PCNT: variants seen among roughly 807,000 people sequenced by gnomAD.
PCNT encodes the protein pericentrin.
Under a neutral mutation model 380.4 loss-of-function variants are expected in PCNT, and 319 were observed. The observed-to-expected ratio is 0.84, with a 90% CI of 0.77 to 0.92. The LOEUF (loss-of-function observed/expected upper bound fraction) is 0.92, where lower values mean the gene tolerates loss of function less well. Among genes scored for constraint, PCNT ranks in the 40% least tolerant of loss-of-function variants. The pLI, the probability that PCNT is intolerant of heterozygous loss-of-function variation, is 0.00. For synonymous variants in PCNT, 1,845 were observed against 1,735.2 expected, an observed-to-expected ratio of 1.06 and a Z score of -1.57; for missense variants, 4,400 against 4,255.3, an observed-to-expected ratio of 1.03 and a Z score of -0.95.
rs554319104 is a variant in PCNT, at chr21:46,354,168, C to T, written c.1761+100C>T. ...GAGCCTGTGTTTCCGTCCTTCCCAC[C>T]TTGTCCAGGGGAGGAAGGCTGCTTG... On this transcript the variant is annotated intron_variant, in intron 11 of 46. Transcript: ENST00000359568. 1.1e-5 allele frequency: 12 copies of T among 1,090,068 alleles called. No individual in the cohort carries two copies. The South Asian group carries it at 1.6e-4, about 14-fold the overall frequency. 67.5% of individuals were successfully genotyped at this position (1,090,068 alleles called of 1,614,324 possible).
At chr21:46,411,151 T>C in intron 27 of PCNT, 38 bp from the exon 28 acceptor site, 6 of 1,594,418 alleles carry the variant, frequency 3.8e-6, no homozygotes, top group Non-Finnish European at 5.2e-6. Flanking sequence ...CGGAAGTGGA[T>C]ACATTTAATT....
At chr21:46,383,921 T>G (rs1457630477) in intron 16 of PCNT, among the ~76,000 whole-genome samples, 1 of 146,304 alleles carries the variant, frequency 6.8e-6, no homozygotes, top group African/African-American at 2.5e-5. Flanking sequence ...CACAGTGTTG[T>G]GCGTTCAGTG....
chr21:46,336,910 T>C (rs2083756724), intron 3 of PCNT, among the ~76,000 whole-genome samples: 1 of 152,126 alleles, frequency 6.6e-6, no homozygotes, highest in Admixed American at 6.5e-5. Flanking sequence ...TGCAGTTTCC[T>C]TCTCGGATAG....
At chr21:46,385,200 A>T (rs1024581872) in intron 16 of PCNT, among the ~76,000 whole-genome samples, 20 of 152,000 alleles carry the variant, frequency 1.3e-4, no homozygotes, top group African/African-American at 3.1e-4. Context: ...ATAAAAAATT[A>T]AAAAAATTAG....
intron 27 of PCNT, among the ~76,000 whole-genome samples, chr21:46,410,711 A>T (rs2086758116): frequency 6.6e-6 from 1 of 152,180 alleles, no homozygotes; most frequent in Admixed American, 6.5e-5. Flanking sequence ...GAGACGCCTC[A>T]TCACCAGCGT....
chr21:46,388,612 T>G lies in PCNT; in HGVS notation c.3465-130T>G. The G allele has an allele frequency of 2.6e-6, 3 of 1,157,828 alleles. No individual in the cohort carries two copies. Among genetic ancestry groups the G allele is most frequent in the Non-Finnish European group, 3.8e-6 (3 of 783,020 alleles). 71.7% of individuals were successfully genotyped at this position (1,157,828 alleles called of 1,614,324 possible). On this transcript the variant is annotated intron_variant, in intron 17 of 46. Transcript: ENST00000359568. This position sits in a 1 kb window ranked among gnomAD's most constrained non-coding sequence, Gnocchi z 4.2. ...TCACATGGGCATGAGGATCATGTCT[T>G]CCGGCCCCGTGGGGACAGGCAGCCG...
At chr21:46,411,123 C>A in intron 27 of PCNT, 66 bp from the exon 28 acceptor site, 1 of 1,475,158 alleles carries the variant, frequency 6.8e-7, no homozygotes, top group Non-Finnish European at 9.5e-7. Context: ...ATGTAACGTG[C>A]CCTGAAGTAG....
Position 46,431,796 on chromosome 21 carries a change from G to A in PCNT, c.8332G>A (p.Ala2778Thr). Residue 2778 changes from alanine (A) to threonine (T), a missense_variant, in exon 38 of 47, where the codon GCT (alanine) becomes ACT (threonine). Ala to Thr is a moderately conservative substitution (Grantham distance 58, BLOSUM62 0). Coordinates refer to ENST00000359568, the MANE Select transcript of PCNT (RefSeq NM_006031.6). ...GCAGCTGAGCCAGAGGACACAGGAG[G>A]CTTGCGTGCACCAGGACACACAGGC... is the stretch of plus-strand genomic sequence containing the variant. ...TEQLSQRTQE[A>T]CVHQDTQAHH... The A allele has an allele frequency of 6.2e-7, 1 of 1,613,456 alleles. No homozygotes were observed. Among genetic ancestry groups the A allele is most frequent in the Non-Finnish European group, 8.5e-7 (1 of 1,180,030 alleles).
intron 31 of PCNT, 39 bp from the exon 32 acceptor site, chr21:46,421,919 GGAACCCCCTGGA>G (rs1489665745): frequency 6.2e-7 from 1 of 1,605,262 alleles, no homozygotes; most frequent in Non-Finnish European, 8.5e-7. Context: ...CGTCCCCTGG[GGAACCCCCTGGA>G]GAGCTGTGGG....
At chr21:46,418,026 G>C (rs1348366007) in intron 30 of PCNT, among the ~76,000 whole-genome samples, 178 bp from the exon 31 acceptor site, 1 of 152,148 alleles carries the variant, frequency 6.6e-6, no homozygotes. Context: ...AAGAGCTGTG[G>C]GTGAATCTGA....
At chr21:46,390,873 C>G in intron 20 of PCNT, 41 bp downstream of exon 20, 1 of 1,585,584 alleles carries the variant, frequency 6.3e-7, no homozygotes, top group Non-Finnish European at 8.6e-7. Flanking sequence ...AGCACAGGCA[C>G]GGGGAGCAGG....
chr21:46,359,706 C>T (rs1312578241), intron 13 of PCNT, among the ~76,000 whole-genome samples: 1 of 146,008 alleles, frequency 6.8e-6, no homozygotes, highest in African/African-American at 2.5e-5. Flanking sequence ...CCGGGCTGGT[C>T]TCGAACTCCT....
intron 15 of PCNT, among the ~76,000 whole-genome samples, chr21:46,370,639 C>G (rs2085088984): frequency 6.6e-6 from 1 of 152,142 alleles, no homozygotes. Context: ...GGGCTTGGGG[C>G]TCATGCCTGT....
chr21:46,325,160 G>A (rs1317014574), intron 1 of PCNT: 2 of 985,662 alleles, frequency 2.0e-6, no homozygotes, highest in Middle Eastern at 5.2e-4. Flanking sequence ...AGGAGAAAGG[G>A]AGTCCCGAAA....
chr21:46,432,114 G>A lies in PCNT; in HGVS notation c.8650G>A (p.Glu2884Lys). 2.5e-6 allele frequency: 4 copies of A among 1,614,130 alleles called. No homozygotes were observed. Among genetic ancestry groups the A allele is most frequent in the Non-Finnish European group, 3.4e-6 (4 of 1,180,046 alleles). Reference sequence around the variant, plus strand: ...AGAGCAGTCACACCCACGGTTGAAAGAGCAAGAAGGACGCAAGGCTGCGAG... The same window carrying A: ...AGAGCAGTCACACCCACGGTTGAAAAAGCAAGAAGGACGCAAGGCTGCGAG... ...ELEQSHPRLKEQEGRKAARRS... is the reference protein window; with the variant it reads ...ELEQSHPRLKKQEGRKAARRS... The change falls in exon 38 of 47, where the codon GAG (glutamate) becomes AAG (lysine). Residue 2884 changes from glutamate to lysine, a missense_variant. Coordinates refer to ENST00000359568, the MANE Select transcript of PCNT (RefSeq NM_006031.6).
In PCNT at chr21:46,366,641, C is replaced by T; in HGVS notation, c.2667C>T (p.Phe889=). The part of the protein sequence containing the change: ...TEKFSAEQDA[F]LQEAQEQHAR... ...AATTCAGTGCGGAACAAGATGCCTT[C>T]CTGCAGGAGGCCCAGGAGCAGCATG... Residue 889 remains phenylalanine (F), a synonymous_variant, in exon 15 of 47, where the codon TTC becomes TTT. Coordinates refer to ENST00000359568, the MANE Select transcript of PCNT (RefSeq NM_006031.6). 1 of 1,614,072 alleles carries T rather than the reference C, an allele frequency of 6.2e-7. No homozygotes were observed. Among genetic ancestry groups the T allele is most frequent in the South Asian group, 1.1e-5 (1 of 91,076 alleles).
chr21:46,334,375 T>A (rs746832537), intron 2 of PCNT, 22 bp from the exon 3 acceptor site: 1 of 1,614,046 alleles, frequency 6.2e-7, no homozygotes, highest in South Asian at 1.1e-5. Context: ...TAAATGCTTC[T>A]TTCTGGTCCT....
At chr21:46,329,965 A>G (rs146086381) in intron 2 of PCNT, among the ~76,000 whole-genome samples, 48 of 152,292 alleles carry the variant, frequency 3.2e-4, no homozygotes, top group African/African-American at 1.1e-3. Flanking sequence ...GCTTGACATC[A>G]GCAGAGACAT....
Position 46,391,211 on chromosome 21 carries a change from C to A in PCNT, c.4051C>A (p.Leu1351Met). Residue 1351 changes from leucine to methionine, a missense_variant, in exon 21 of 47, where the codon CTG becomes ATG. Coordinates refer to ENST00000359568, the MANE Select transcript of PCNT (RefSeq NM_006031.6). ...KVETADLKEV[L>M]AGKEDSEHRL... ...GGAGACAGCAGATCTGAAGGAGGTGCTGGCCGGGAAGGAGGATTCCGAGCA... is the reference window on the plus strand; with the variant it reads ...GGAGACAGCAGATCTGAAGGAGGTGATGGCCGGGAAGGAGGATTCCGAGCA... The A allele has an allele frequency of 6.2e-7, 1 of 1,609,598 alleles. No homozygotes were observed. The highest frequency in any genetic ancestry group is 8.5e-7 in the Non-Finnish European group (1 of 1,178,172).
Sources: gnomAD v4.1 joint callset for allele counts (sites outside exome capture counted in the v4.1 genomes callset) on GRCh38, gnomAD v4.1.1 for gene constraint, Gnocchi (gnomAD v3.1) non-coding constraint, MANE v1.5 for transcripts, NCBI Gene and HGNC (gene_info 2026-07-23, HGNC 2026-07-21) for gene names.